PTPRD: variants seen among roughly 807,000 people sequenced by gnomAD.
PTPRD encodes the protein protein tyrosine phosphatase receptor type D.
In PTPRD, 34 loss-of-function variants were observed where a neutral mutation model predicts 214.5. The observed-to-expected ratio is 0.16, with a 90% CI of 0.12 to 0.21. PTPRD has a LOEUF of 0.21. PTPRD is among the 10% of genes least tolerant of loss of function. The probability of loss-of-function intolerance (pLI) is 1.00; values close to 1 mark genes in which losing one functional copy is unlikely to be tolerated. For synonymous variants in PTPRD, 1,128 were observed against 845.7 expected (o/e 1.33, Z -5.79); for missense variants, 2,545 against 2,398.7 (o/e 1.06, Z -1.27).
At chr9:9,793,147 T>C (rs562884242) in intron 5 of PTPRD, among the ~76,000 whole-genome samples, 2 of 152,252 alleles carry the variant, frequency 1.3e-5, no homozygotes, top group African/African-American at 4.8e-5. Flanking sequence ...GAAATTCCAT[T>C]ATTTTGCCAT....
intron 35 of PTPRD, among the ~76,000 whole-genome samples, chr9:8,419,160 G>A (rs771899344): frequency 2.7e-5 from 4 of 150,156 alleles, no homozygotes; most frequent in Admixed American, 6.7e-5. Flanking sequence ...GTTCAATGTC[G>A]CAGTGAGCTG....
chr9:9,354,775 G>A (rs1184367616), intron 9 of PTPRD, among the ~76,000 whole-genome samples: 1 of 151,770 alleles, frequency 6.6e-6, no homozygotes, highest in Non-Finnish European at 1.5e-5. Flanking sequence ...GGTACCATGG[G>A]TGCTTCTCAT....
chr9:9,445,611 C>A (rs1238496776), intron 8 of PTPRD, among the ~76,000 whole-genome samples: 2 of 152,064 alleles, frequency 1.3e-5, no homozygotes. Context: ...AAGTGCCAAG[C>A]AAAGGGGGAA....
chr9:9,587,518 A>C (rs2092190522), intron 7 of PTPRD, among the ~76,000 whole-genome samples: 2 of 151,620 alleles, frequency 1.3e-5, no homozygotes, highest in South Asian at 2.1e-4. Flanking sequence ...CACTATGGTA[A>C]CTGATTCCCA....
At chr9:9,827,801 A>C (rs1598943315) in intron 5 of PTPRD, among the ~76,000 whole-genome samples, 1 of 152,190 alleles carries the variant, frequency 6.6e-6, no homozygotes, top group Non-Finnish European at 1.5e-5. Flanking sequence ...GAACTCAAAC[A>C]AATTTACAAG....
intron 11 of PTPRD, among the ~76,000 whole-genome samples, chr9:8,967,463 C>T (rs1269871177): frequency 6.6e-6 from 1 of 152,014 alleles, no homozygotes; most frequent in Admixed American, 6.6e-5. Flanking sequence ...AAATGTGGTA[C>T]ATATATACCA....
At chr9:10,255,564 C>T (rs185207696) in intron 3 of PTPRD, among the ~76,000 whole-genome samples, 23 of 152,272 alleles carry the variant, frequency 1.5e-4, no homozygotes, top group Admixed American at 3.3e-4. Context: ...TAGGACATTA[C>T]ACTACTATAG....
In PTPRD at chr9:8,716,011, C is replaced by T. The variant is rs567106689; in HGVS notation, c.64+17769G>A. 2.0e-5 allele frequency among the ~76,000 whole-genome samples: 3 copies of T among 152,372 alleles called. No homozygotes were observed. The East Asian group carries it at 5.8e-4, about 29-fold the overall frequency. ...CACTGGCTGAACTACTGTTCACCTG[C>T]TCTTTAGCCTTAACAGGTCTGTGGC... On this transcript the variant is annotated intron_variant, in intron 12 of 45. Coordinates refer to ENST00000381196, the MANE Select transcript of PTPRD (RefSeq NM_002839.4).
At chr9:9,483,582 A>G (rs1443610300) in intron 8 of PTPRD, among the ~76,000 whole-genome samples, 1 of 152,040 alleles carries the variant, frequency 6.6e-6, no homozygotes, top group Non-Finnish European at 1.5e-5. Flanking sequence ...ATTGGTTGGG[A>G]GATGGAGAGA....
rs143889340 is a variant in PTPRD at position 9,876,367 on chromosome 9, A to G, written c.-368+62140T>C. Reference sequence around the variant, plus strand: ...AAGACTCTTTTTAAAGTAGGGCTTCAGTAGCAAGCATGCATTTAGAAATTT... The same window carrying G: ...AAGACTCTTTTTAAAGTAGGGCTTCGGTAGCAAGCATGCATTTAGAAATTT... On this transcript the variant is annotated intron_variant, in intron 5 of 45. Transcript: ENST00000381196. Among the ~76,000 whole-genome samples, 167 of 152,304 alleles carry G rather than the reference A, an allele frequency of 1.1e-3. 1 individual carries two copies. The highest frequency in any genetic ancestry group is 0.01 in the Middle Eastern group (3 of 294).
At chr9:9,302,361 G>C (rs1955628556) in intron 9 of PTPRD, among the ~76,000 whole-genome samples, 1 of 151,798 alleles carries the variant, frequency 6.6e-6, no homozygotes, top group Admixed American at 6.6e-5. Context: ...AATTGTTATT[G>C]ATAGGCAGCT....
At chr9:8,614,323 A>G (rs186329869) in intron 14 of PTPRD, among the ~76,000 whole-genome samples, 1 of 152,184 alleles carries the variant, frequency 6.6e-6, no homozygotes, top group Admixed American at 6.6e-5. Context: ...AGCTAAGGTC[A>G]AACAAGGCAA....
At chr9:10,305,793 G>C (rs373184220) in intron 3 of PTPRD, among the ~76,000 whole-genome samples, 1 of 151,914 alleles carries the variant, frequency 6.6e-6, no homozygotes, top group Non-Finnish European at 1.5e-5. Flanking sequence ...AGAGGATGTG[G>C]AGAAATAGGA....
intron 36 of PTPRD, among the ~76,000 whole-genome samples, chr9:8,396,772 T>C (rs182369201): frequency 6.6e-6 from 1 of 152,240 alleles, no homozygotes; most frequent in East Asian, 1.9e-4. Context: ...AAAGATGCCA[T>C]TTACACAGCT....
At chr9:10,400,168 A>C (rs369119607) in intron 2 of PTPRD, among the ~76,000 whole-genome samples, 37 of 151,850 alleles carry the variant, frequency 2.4e-4, no homozygotes, top group African/African-American at 8.9e-4. Flanking sequence ...AGGCAGGTCA[A>C]CTGAAGTCTG....
At chr9:8,657,973 T>C (rs1341883220) in intron 12 of PTPRD, among the ~76,000 whole-genome samples, 1 of 152,228 alleles carries the variant, frequency 6.6e-6, no homozygotes, top group African/African-American at 2.4e-5. Context: ...TTCACAAATT[T>C]ATTTGGGCTT....
intron 9 of PTPRD, among the ~76,000 whole-genome samples, chr9:9,329,578 A>T (rs1423964291): frequency 1.3e-5 from 2 of 152,210 alleles, no homozygotes; most frequent in African/African-American, 4.8e-5. Context: ...CTCTCATCCT[A>T]ACCCCATAGC....
intron 3 of PTPRD, among the ~76,000 whole-genome samples, chr9:10,125,558 G>A (rs891247811): frequency 1.3e-5 from 2 of 150,868 alleles, no homozygotes; most frequent in Non-Finnish European, 3.0e-5. Flanking sequence ...AGGTTCAAGC[G>A]ATTCTCCTGC....
At chr9:10,549,124 C>T (rs924453616) in intron 2 of PTPRD, among the ~76,000 whole-genome samples, 10 of 152,042 alleles carry the variant, frequency 6.6e-5, no homozygotes, top group Non-Finnish European at 1.0e-4. Context: ...ATATGTCCTG[C>T]GTAATACTCA....
Sources: gnomAD v4.1 joint callset for allele counts (sites outside exome capture counted in the v4.1 genomes callset) on GRCh38, gnomAD v4.1.1 for gene constraint, MANE v1.5 for transcripts, NCBI Gene and HGNC (gene_info 2026-07-23, HGNC 2026-07-21) for gene names.